Variants in MS4A4A observed in about 807,000 individuals in gnomAD.
MS4A4A encodes the protein membrane-spanning 4-domains subfamily A member 4A.
Under a neutral mutation model 28.0 loss-of-function variants are expected in MS4A4A, and 26 were observed. That is an observed-to-expected ratio of 0.93 (90% CI 0.68 to 1.29). The LOEUF is 1.29. MS4A4A is among the 50% of genes most tolerant of loss of function. MS4A4A has a pLI of 0.00. For synonymous variants in MS4A4A, 86 were observed against 100.8 expected, an observed-to-expected ratio of 0.85 and a Z score of 0.88; for missense variants, 290 against 293.1, an observed-to-expected ratio of 0.99 and a Z score of 0.08.
chr11:60,285,621 G>C (rs1019171289), intron 1 of MS4A4A, among the ~76,000 whole-genome samples: 1 of 152,120 alleles, frequency 6.6e-6, no homozygotes, highest in African/African-American at 2.4e-5. Context: ...GCCTCCGGGG[G>C]TGACATCACA....
chr11:60,290,218 T>C, intron 1 of MS4A4A: 1 of 303,536 alleles, frequency 3.3e-6, no homozygotes, highest in Non-Finnish European at 7.0e-6. Flanking sequence ...TCAACTGATG[T>C]ATTTAATTCC....
At chr11:60,285,176 C>T (rs1049431447) in intron 1 of MS4A4A, among the ~76,000 whole-genome samples, 14 of 151,920 alleles carry the variant, frequency 9.2e-5, no homozygotes, top group Admixed American at 2.6e-4. Flanking sequence ...TGGTGGAAGG[C>T]CCAGCAATTA....
chr11:60,290,231 G>C, intron 1 of MS4A4A: 1 of 285,904 alleles, frequency 3.5e-6, no homozygotes, highest in Non-Finnish European at 7.4e-6. Context: ...TTAATTCCCA[G>C]GATTATAAAC....
chr11:60,305,727 C>T (rs2084994008), intron 5 of MS4A4A: 1 of 165,470 alleles, frequency 6.0e-6, no homozygotes, highest in Non-Finnish European at 1.3e-5. Context: ...ATTAGATTCT[C>T]TGCTTACAAT....
chr11:60,306,502 C>T (rs144836465), intron 6 of MS4A4A, among the ~76,000 whole-genome samples: 29 of 152,232 alleles, frequency 1.9e-4, no homozygotes, highest in African/African-American at 7.0e-4. Flanking sequence ...TGAAATCAGC[C>T]GGTTGCTAAT....
At chr11:60,303,443 C>T (rs2084970604) in intron 5 of MS4A4A, among the ~76,000 whole-genome samples, 1 of 152,204 alleles carries the variant, frequency 6.6e-6, no homozygotes, top group Admixed American at 6.5e-5. Context: ...CGCAGTGGCT[C>T]ACGCCTGTAA....
chr11:60,303,688 A>G (rs935725470), intron 5 of MS4A4A, among the ~76,000 whole-genome samples: 1 of 152,216 alleles, frequency 6.6e-6, no homozygotes, highest in African/African-American at 2.4e-5. Flanking sequence ...AGCCTGGGCA[A>G]CAGAGCGAGA....
At chr11:60,308,052 G>C in intron 6 of MS4A4A, 55 bp from the exon 7 acceptor site, 1 of 1,478,780 alleles carries the variant, frequency 6.8e-7, no homozygotes, top group Non-Finnish European at 9.5e-7. Flanking sequence ...GGCAGGAAAG[G>C]GGCACTCTGA....
At chr11:60,289,595 A>ATGTGTG (rs34230139) in intron 1 of MS4A4A, among the ~76,000 whole-genome samples, 13 of 128,062 alleles carry the variant, frequency 1.0e-4, no homozygotes, top group South Asian at 5.0e-4. Flanking sequence ...GTGTGTGTGT[A>ATGTGTG]TGTGTGTGTG....
chr11:60,285,038 G>C (rs1665209484), intron 1 of MS4A4A, among the ~76,000 whole-genome samples: 1 of 152,100 alleles, frequency 6.6e-6, no homozygotes, highest in Admixed American at 6.5e-5. Flanking sequence ...TTTCAAAAAA[G>C]TAAGGTGTTA....
rs2135032795 is a variant in MS4A4A, at chr11:60,304,036, A to G, written c.546+1319A>G. Among the ~76,000 whole-genome samples the G allele has an allele frequency of 2.0e-5, 3 of 152,240 alleles. No homozygotes were observed. The Middle Eastern group carries it at 0.01, about 518-fold the overall frequency. On this transcript the variant is annotated intron_variant, in intron 5 of 6. Transcript: ENST00000337908. ...ATAGTAAGCAATTTTACTTCTTGCCACTCGCTCAAAATAAGAAAAAGCTTC... is the reference window on the plus strand; with the variant it reads ...ATAGTAAGCAATTTTACTTCTTGCCGCTCGCTCAAAATAAGAAAAAGCTTC...
At position 60,308,120 on chromosome 11, in the gene MS4A4A, T is replaced by G. The variant is rs1489539151; in HGVS notation, c.662T>G (p.Leu221Arg). The change falls in exon 7 of 7, where the codon CTG becomes CGG. Residue 221 changes from leucine to arginine, a missense_variant. Physicochemically the swap from Leu to Arg is moderately radical, Grantham distance 102 (BLOSUM62 -2). Transcript: ENST00000337908. ...ATTGTTTCACAGGTTGTGTTAATTC[T>G]GCCATCACATTCTCACATGGCAGAA... The part of the protein sequence containing the change: ...CCTPGGVVLI[L>R]PSHSHMAETA... 6.2e-7 allele frequency: 1 copy of G among 1,613,926 alleles called. No individual in the cohort carries two copies. Among genetic ancestry groups the G allele is most frequent in the Non-Finnish European group, 8.5e-7 (1 of 1,179,940 alleles).
chr11:60,305,833 T>A (rs1023479784), intron 5 of MS4A4A: 20 of 402,732 alleles, frequency 5.0e-5, no homozygotes, highest in Admixed American at 4.1e-4. Flanking sequence ...CCTTCCTAAC[T>A]TTTTAAAGCA....
rs749128966 is a variant in MS4A4A at position 60,282,606 on chromosome 11, G to C, written c.41+1890G>C. 1.5e-5 allele frequency: 19 copies of C among 1,284,468 alleles called. No individual in the cohort carries two copies. In the South Asian group the frequency reaches 2.4e-4, roughly 16 times the overall value. 79.6% of individuals were successfully genotyped at this position (1,284,468 alleles called of 1,614,324 possible). On this transcript the variant is annotated intron_variant, in intron 1 of 6. Coordinates refer to ENST00000337908, the MANE Select transcript of MS4A4A (RefSeq NM_148975.3). Reference sequence around the variant, plus strand: ...TTGTTCTTACAAGGTGGTCACAAGAGGGGTGGAACATTCCTGCAAATGGTT... The same window carrying C: ...TTGTTCTTACAAGGTGGTCACAAGACGGGTGGAACATTCCTGCAAATGGTT...
chr11:60,291,703 C>G (rs2084857340), intron 1 of MS4A4A, among the ~76,000 whole-genome samples: 1 of 149,182 alleles, frequency 6.7e-6, no homozygotes, highest in South Asian at 2.1e-4. Flanking sequence ...GAGACTGAGG[C>G]AGGAGAATCG....
rs1384846276 is a variant in MS4A4A, at chr11:60,302,661, T to G, written c.490T>G (p.Tyr164Asp). The change falls in exon 5 of 7, where the codon TAC (tyrosine) becomes GAC (aspartate). Residue 164 changes from tyrosine to aspartate, a missense_variant. By Grantham distance (160) the Tyr-to-Asp change is radical. Coordinates refer to ENST00000337908, the MANE Select transcript of MS4A4A (RefSeq NM_148975.3). ...GGCGTTTTATTCATTCCATCACCCTTACTGTAACTACTATGGCAACTCAAA... is the reference window on the plus strand; with the variant it reads ...GGCGTTTTATTCATTCCATCACCCTGACTGTAACTACTATGGCAACTCAAA... ...SLAFYSFHHPYCNYYGNSNNC... is the reference protein window; with the variant it reads ...SLAFYSFHHPDCNYYGNSNNC... 6.2e-6 allele frequency: 10 copies of G among 1,613,972 alleles called. No homozygotes were observed. The highest frequency in any genetic ancestry group is 8.5e-6 in the Non-Finnish European group (10 of 1,179,862).
At chr11:60,301,213 G>A (rs897031408) in intron 4 of MS4A4A, among the ~76,000 whole-genome samples, 156 bp downstream of exon 4, 1 of 152,180 alleles carries the variant, frequency 6.6e-6, no homozygotes, top group Non-Finnish European at 1.5e-5. Context: ...AAAAACTGCA[G>A]TCAGGCTAAT....
At chr11:60,283,170 G>A (rs1360969327) in intron 1 of MS4A4A, among the ~76,000 whole-genome samples, 1 of 152,144 alleles carries the variant, frequency 6.6e-6, no homozygotes, top group African/African-American at 2.4e-5. Flanking sequence ...GTGGCTTACT[G>A]CAGCCTGGGC....
chr11:60,304,903 T>TTGTAG (rs2084984635), intron 5 of MS4A4A, among the ~76,000 whole-genome samples: 1 of 152,200 alleles, frequency 6.6e-6, no homozygotes. Context: ...TACAACAATG[T>TTGTAG]TGGAAACACA....
Sources: allele counts gnomAD v4.1 joint callset (sites outside exome capture counted in the v4.1 genomes callset), GRCh38; gene constraint gnomAD v4.1.1; transcripts MANE v1.5; gene names NCBI Gene and HGNC (gene_info 2026-07-23, HGNC 2026-07-21).